TENM1: variants seen among roughly 807,000 people sequenced by gnomAD.
TENM1 encodes teneurin transmembrane protein 1, also known as teneurin-1.
Under a neutral mutation model 174.8 loss-of-function variants are expected in TENM1, and 35 were observed. That is an observed-to-expected ratio of 0.20 (90% CI 0.15 to 0.27). TENM1 has a LOEUF of 0.27. Among genes scored for constraint, TENM1 ranks in the 10% least tolerant of loss-of-function variants. The probability of loss-of-function intolerance (pLI) is 1.00; values close to 1 mark genes in which losing one functional copy is unlikely to be tolerated. For missense variants in TENM1, 1,633 were observed against 2,130.1 expected (o/e 0.77, Z 4.59); for synonymous variants, 781 against 798.7 (o/e 0.98, Z 0.37).
the TENM1 span, among the ~76,000 whole-genome samples, chrX:125,123,902 T>C: frequency 8.9e-6 from 1 of 112,744 alleles, no homozygotes; most frequent in Non-Finnish European, 1.9e-5. Context: ...ATTTTCCACA[T>C]TTATTTAAAT....
intron 1 of TENM1, among the ~76,000 whole-genome samples, chrX:124,949,943 G>A (rs908131295): frequency 1.8e-5 from 2 of 111,032 alleles, no homozygotes; most frequent in African/African-American, 6.6e-5. Context: ...TCTTAGTGCT[G>A]TAGTAAAGAA....
intron 4 of TENM1, among the ~76,000 whole-genome samples, chrX:124,735,770 G>GT (rs1328992267): frequency 1.8e-5 from 2 of 111,560 alleles, no homozygotes; most frequent in Non-Finnish European, 3.8e-5. Flanking sequence ...AAAAAATCAT[G>GT]TTTTTTGCAG....
the TENM1 span, among the ~76,000 whole-genome samples, chrX:124,993,681 A>T: frequency 1.8e-5 from 2 of 111,503 alleles, no homozygotes; most frequent in Admixed American, 9.6e-5. Flanking sequence ...GACCACCCAC[A>T]AAGTTAAGAT....
chrX:124,784,092 G>T (rs1009198608), intron 3 of TENM1, among the ~76,000 whole-genome samples: 2 of 112,033 alleles, frequency 1.8e-5, no homozygotes, highest in Non-Finnish European at 1.9e-5. Flanking sequence ...AAACTATTTA[G>T]AATAATAATA....
chrX:125,050,040 A>G, the TENM1 span, among the ~76,000 whole-genome samples: 1 of 109,966 alleles, frequency 9.1e-6, no homozygotes, highest in African/African-American at 3.3e-5. Context: ...CATCAGAACT[A>G]TCAATGCTGT....
Position 124,811,711 on chromosome X carries a change from A to G in TENM1, c.536-74514T>C, listed in dbSNP as rs183449400. ...ATCAGTATGGCAAAGAGATATCTAC[A>G]CTCCCATGTTCATTGCAGCACTATT... On this transcript the variant is annotated intron_variant, in intron 3 of 31. Coordinates refer to ENST00000422452, the Ensembl canonical transcript of TENM1. 5.4e-5 allele frequency among the ~76,000 whole-genome samples: 6 copies of G among 111,643 alleles called. No individual in the cohort carries two copies. In the East Asian group the frequency reaches 1.7e-3, roughly 32 times the overall value.
intron 11 of TENM1, among the ~76,000 whole-genome samples, chrX:124,603,285 T>C (rs945139415): frequency 3.6e-5 from 4 of 112,001 alleles, no homozygotes; most frequent in African/African-American, 6.5e-5. Flanking sequence ...TTTAAACATA[T>C]AGCAGTTGCA....
At chrX:124,654,356 G>T (rs1298715983) in intron 6 of TENM1, among the ~76,000 whole-genome samples, 2 of 112,234 alleles carry the variant, frequency 1.8e-5, no homozygotes, top group Non-Finnish European at 3.8e-5. Flanking sequence ...AGCTCTGTGC[G>T]GACAAGCACT....
intron 15 of TENM1, among the ~76,000 whole-genome samples, chrX:124,543,266 A>G (rs1466284587): frequency 8.9e-6 from 1 of 112,256 alleles, no homozygotes; most frequent in African/African-American, 3.2e-5. Context: ...TTTATGTTGG[A>G]TCTCCTAATT....
chrX:124,961,243 A>G (rs1438354829), intron 1 of TENM1, among the ~76,000 whole-genome samples: 1 of 112,414 alleles, frequency 8.9e-6, no homozygotes. Flanking sequence ...TGAAACAATT[A>G]TAAAGCATAT....
At chrX:124,578,743 C>A (rs2049231266) in intron 11 of TENM1, among the ~76,000 whole-genome samples, 1 of 111,608 alleles carries the variant, frequency 9.0e-6, no homozygotes, top group Non-Finnish European at 1.9e-5. Context: ...TTTAAACATC[C>A]CACATACAAC....
intron 11 of TENM1, among the ~76,000 whole-genome samples, chrX:124,610,190 C>T (rs1251376641): frequency 8.9e-6 from 1 of 111,932 alleles, no homozygotes; most frequent in Non-Finnish European, 1.9e-5. Flanking sequence ...TGTCCAAAAT[C>T]CTATAGCAAT....
chrX:124,391,502 C>G (rs1403874129), intron 28 of TENM1, among the ~76,000 whole-genome samples: 6 of 111,174 alleles, frequency 5.4e-5, no homozygotes, highest in Non-Finnish European at 1.9e-5. Flanking sequence ...GCCACAAGCT[C>G]CCATTATGGA....
At chrX:124,509,092 A>AAC (rs1044717528) in intron 18 of TENM1, among the ~76,000 whole-genome samples, 25 of 90,368 alleles carry the variant, frequency 2.8e-4, no homozygotes, top group Admixed American at 5.7e-4. Flanking sequence ...CACACACACA[A>AAC]ACACACACAC....
chrX:124,820,014 T>G (rs2056000589), intron 3 of TENM1, among the ~76,000 whole-genome samples: 1 of 110,473 alleles, frequency 9.1e-6, no homozygotes, highest in Non-Finnish European at 1.9e-5. Context: ...CTAGAACTCC[T>G]GACCTCAAGT....
chrX:124,870,849 CTT>C (rs1252562465), intron 3 of TENM1, among the ~76,000 whole-genome samples: 2 of 111,127 alleles, frequency 1.8e-5, no homozygotes, highest in African/African-American at 3.3e-5. Flanking sequence ...TTTGTCTACT[CTT>C]TTATTATTTT....
intron 3 of TENM1, among the ~76,000 whole-genome samples, chrX:124,893,542 T>C (rs1314210788): frequency 1.8e-5 from 2 of 112,366 alleles, no homozygotes; most frequent in Non-Finnish European, 3.8e-5. Flanking sequence ...CCTTATATAC[T>C]AGTTTCATCC....
chrX:124,568,517 G>T (rs2048988647), intron 11 of TENM1, among the ~76,000 whole-genome samples: 1 of 111,828 alleles, frequency 8.9e-6, no homozygotes. Flanking sequence ...TGTCCTGAAT[G>T]AAATATTTGG....
At chrX:125,076,138 T>A in the TENM1 span, among the ~76,000 whole-genome samples, 1 of 111,691 alleles carries the variant, frequency 9.0e-6, no homozygotes, top group Non-Finnish European at 1.9e-5. Context: ...TTTAGCTTTT[T>A]CCTTTTAGAG....
Sources: allele counts gnomAD v4.1 joint callset (sites outside exome capture counted in the v4.1 genomes callset), GRCh38; gene constraint gnomAD v4.1.1; transcripts MANE v1.5; gene names NCBI Gene and HGNC (gene_info 2026-07-23, HGNC 2026-07-21).